NUF2: variants seen among roughly 807,000 people sequenced by gnomAD.
NUF2 encodes the protein kinetochore protein Nuf2.
A neutral mutation model predicts 61.8 loss-of-function variants in NUF2; 34 were observed. That is an observed-to-expected ratio of 0.55 (90% confidence interval 0.42 to 0.73). The LOEUF (loss-of-function observed/expected upper bound fraction) is 0.73. NUF2 is among the 30% of genes least tolerant of loss of function. The pLI is 0.00. For missense variants in NUF2, 445 were observed against 539.1 expected, an observed-to-expected ratio of 0.83 and a Z score of 1.73; for synonymous variants, 172 against 181.6, an observed-to-expected ratio of 0.95 and a Z score of 0.42.
intron 1 of NUF2, among the ~76,000 whole-genome samples, chr1:163,324,637 T>G (rs897204926): frequency 2.0e-5 from 3 of 152,144 alleles, no homozygotes; most frequent in Non-Finnish European, 4.4e-5. Flanking sequence ...GAGTAGGGGA[T>G]CTGAAGGTAA....
chr1:163,332,382 T>C (rs760300881), intron 5 of NUF2, among the ~76,000 whole-genome samples: 1 of 152,172 alleles, frequency 6.6e-6, no homozygotes, highest in South Asian at 2.1e-4. Flanking sequence ...TTCACACTTA[T>C]TTTATGGCCC....
intron 11 of NUF2, among the ~76,000 whole-genome samples, chr1:163,346,437 A>G (rs1470302607): frequency 6.6e-6 from 1 of 152,164 alleles, no homozygotes; most frequent in East Asian, 1.9e-4. Flanking sequence ...ACATCAGAGT[A>G]AGGATCATCT....
At chr1:163,337,215 A>C (rs1471034405) in intron 6 of NUF2, among the ~76,000 whole-genome samples, 2 of 152,126 alleles carry the variant, frequency 1.3e-5, no homozygotes, top group African/African-American at 4.8e-5. Flanking sequence ...TTTGAGGTTT[A>C]TATTTGCCTT....
intron 7 of NUF2, 123 bp downstream of exon 7, chr1:163,338,216 G>A: frequency 2.0e-6 from 1 of 508,228 alleles, no homozygotes; most frequent in Non-Finnish European, 3.4e-6. Context: ...AAATAGCAGA[G>A]TATTTGAGTT....
intron 13 of NUF2, among the ~76,000 whole-genome samples, chr1:163,352,029 T>A (rs924263357): frequency 3.3e-5 from 5 of 152,186 alleles, no homozygotes; most frequent in South Asian, 2.1e-4. Context: ...ATCTGACCTT[T>A]TCTTCACTTT....
intron 1 of NUF2, among the ~76,000 whole-genome samples, chr1:163,325,306 C>T (rs1475733795): frequency 6.6e-6 from 1 of 152,148 alleles, no homozygotes; most frequent in African/African-American, 2.4e-5. Context: ...TCTAGTTGCA[C>T]CCACACTCCT....
In NUF2 at chr1:163,339,453, A is replaced by G. The variant is rs370651448; in HGVS notation, c.582A>G (p.Leu194=). 1.9e-5 allele frequency: 31 copies of G among 1,611,196 alleles called. No individual in the cohort carries two copies. Among genetic ancestry groups the G allele is most frequent in the African/African-American group, 4.0e-5 (3 of 74,872 alleles). The change falls in exon 8 of 14, where the codon CTA becomes CTG. Residue 194 remains leucine (L), a synonymous_variant. Transcript: ENST00000271452. ...SDGIQELQQS[L]NQDFHQKTIV... ...GAATTCAGGAGCTACAACAATCACTAAATCAGGATTTTCATCAAAAAACGG... is the reference window on the plus strand; with the variant it reads ...GAATTCAGGAGCTACAACAATCACTGAATCAGGATTTTCATCAAAAAACGG...
intron 11 of NUF2, among the ~76,000 whole-genome samples, chr1:163,346,737 C>T (rs1651140087): frequency 6.6e-6 from 1 of 152,046 alleles, no homozygotes; most frequent in East Asian, 1.9e-4. Context: ...TGTCTGTAGT[C>T]CCAGCCACTT....
At chr1:163,323,511 A>G (rs1422776291) in intron 1 of NUF2, among the ~76,000 whole-genome samples, 1 of 152,092 alleles carries the variant, frequency 6.6e-6, no homozygotes, top group African/African-American at 2.4e-5. Flanking sequence ...TTGAGCCCAG[A>G]AGTTCAAGAC....
chr1:163,352,860 C>T (rs928529937), intron 13 of NUF2, among the ~76,000 whole-genome samples: 7 of 150,626 alleles, frequency 4.6e-5, no homozygotes, highest in Non-Finnish European at 7.4e-5. Context: ...AGCGAGACTC[C>T]GTCTCAAAAA....
At position 163,345,702 on chromosome 1, in the gene NUF2, A is replaced by C. The variant is rs1651101340; in HGVS notation, c.832A>C (p.Ile278Leu). Reference sequence around the variant, plus strand: ...GCAAGAAGTGGTGGAGAAATATGAAATCTATGGAGACTCAGTTGACTGCCT... The same window carrying C: ...GCAAGAAGTGGTGGAGAAATATGAACTCTATGGAGACTCAGTTGACTGCCT... ...ARQEVVEKYEIYGDSVDCLPS... is the reference protein window; with the variant it reads ...ARQEVVEKYELYGDSVDCLPS... Residue 278 changes from isoleucine to leucine, a missense_variant, in exon 11 of 14, where the codon ATC becomes CTC. Coordinates refer to ENST00000271452, the MANE Select transcript of NUF2 (RefSeq NM_145697.3). The C allele has an allele frequency of 1.2e-6, 2 of 1,612,988 alleles. No individual in the cohort carries two copies. The highest frequency in any genetic ancestry group is 1.7e-6 in the Non-Finnish European group (2 of 1,179,492).
intron 5 of NUF2, among the ~76,000 whole-genome samples, chr1:163,335,332 GA>G (rs997790304): frequency 2.0e-5 from 3 of 152,190 alleles, no homozygotes; most frequent in African/African-American, 7.2e-5. Flanking sequence ...AGCAGATACT[GA>G]GGGACTACAG....
At chr1:163,340,191 A>G (rs1258290004) in intron 8 of NUF2, 173 bp from the exon 9 acceptor site, 1 of 534,192 alleles carries the variant, frequency 1.9e-6, no homozygotes, top group East Asian at 3.3e-5. Flanking sequence ...TACTTAGTAA[A>G]GGAACTCTTA....
chr1:163,339,173 G>C (rs1650858022), intron 7 of NUF2: 1 of 510,212 alleles, frequency 2.0e-6, no homozygotes, highest in Non-Finnish European at 3.5e-6. Context: ...AGATTTGATA[G>C]TAGAAAACTG....
At chr1:163,337,643 G>A (rs1650807518) in intron 6 of NUF2, among the ~76,000 whole-genome samples, 1 of 152,010 alleles carries the variant, frequency 6.6e-6, no homozygotes, top group Admixed American at 6.6e-5. Flanking sequence ...CCTCTATGAT[G>A]TCCTATCACC....
At position 163,347,815 on chromosome 1, in the gene NUF2, T is replaced by G. The variant is rs1427960997; in HGVS notation, c.1001T>G (p.Leu334Trp). Residue 334 changes from leucine (L) to tryptophan (W), a missense_variant, in exon 12 of 14, where the codon TTG becomes TGG. Transcript: ENST00000271452. Reference sequence around the variant, plus strand: ...AGTGATGAGTCAGAACTGAAGAAATTGAAGACTGAAGAAAATTCGTTCAAA... The same window carrying G: ...AGTGATGAGTCAGAACTGAAGAAATGGAAGACTGAAGAAAATTCGTTCAAA... ...IESDESELKK[L>W]KTEENSFKRL... The G allele has an allele frequency of 6.2e-7, 1 of 1,611,984 alleles. No individual in the cohort carries two copies. The highest frequency in any genetic ancestry group is 1.3e-5 in the African/African-American group (1 of 74,900).
chr1:163,343,731 AGAAT>A lies in NUF2; in HGVS notation c.672_675del (p.Glu225Ter). On this transcript the variant is annotated splice_acceptor_variant and coding_sequence_variant, in exon 10 of 14. Transcript: ENST00000271452. LOFTEE classifies it high-confidence loss of function. Reference sequence around the variant, plus strand: ...TAATATATAAAAATGTTTTCTCAACAGAATGAACTAAAATTGTCGGTGGTTTCTT... The same window carrying A: ...TAATATATAAAAATGTTTTCTCAACAGAACTAAAATTGTCGGTGGTTTCTT... 7.3e-7 allele frequency: 1 copy of A among 1,369,770 alleles called. No individual in the cohort carries two copies. Among genetic ancestry groups the A allele is most frequent in the Non-Finnish European group, 9.7e-7 (1 of 1,025,996 alleles). The allele number at this position is 1,369,770 out of a possible 1,614,324, so 84.9% of individuals were successfully genotyped here.
At position 163,354,091 on chromosome 1, in the gene NUF2, T is replaced by C. The variant is rs114798451; in HGVS notation, c.1261-1244T>C. Reference sequence around the variant, plus strand: ...GAAAGTTAAATTGATTTATAGCTGCTGAATGTGCTGTTTTTTTATAATGGC... The same window carrying C: ...GAAAGTTAAATTGATTTATAGCTGCCGAATGTGCTGTTTTTTTATAATGGC... On this transcript the variant is annotated intron_variant, in intron 13 of 13. Coordinates refer to ENST00000271452, the MANE Select transcript of NUF2 (RefSeq NM_145697.3). Among the ~76,000 whole-genome samples, 1,514 of 152,330 alleles carry C rather than the reference T, an allele frequency of 9.9e-3. 11 individuals are homozygous for C. The highest frequency in any genetic ancestry group is 0.015 in the Non-Finnish European group (1,039 of 68,018).
Position 163,338,755 on chromosome 1 carries a change from C to A in NUF2, c.510-626C>A, listed in dbSNP as rs1368274259. On this transcript the variant is annotated intron_variant, in intron 7 of 13. Coordinates refer to ENST00000271452, the MANE Select transcript of NUF2 (RefSeq NM_145697.3). ...AATGACAAAGTGGAGAGAATATTTG[C>A]AGCACATGCCACAAAGCCTTACCAA... is the stretch of plus-strand genomic sequence containing the variant. 2.0e-5 allele frequency among the ~76,000 whole-genome samples: 3 copies of A among 152,110 alleles called. No individual in the cohort carries two copies. The East Asian group carries it at 5.8e-4, about 29-fold the overall frequency.
Sources: allele counts gnomAD v4.1 joint callset (sites outside exome capture counted in the v4.1 genomes callset), GRCh38; gene constraint gnomAD v4.1.1; transcripts MANE v1.5; gene names NCBI Gene and HGNC (gene_info 2026-07-23, HGNC 2026-07-21).